Variants in MRM3 observed in about 807,000 individuals in gnomAD.
MRM3 encodes mitochondrial rRNA methyltransferase 3.
MRM3 carries 26 observed loss-of-function variants against 29.4 expected under a neutral mutation model. The ratio of observed to expected loss-of-function variants is 0.89; its 90% CI spans 0.65 to 1.23. The LOEUF (loss-of-function observed/expected upper bound fraction) is 1.23, where lower values mean the gene tolerates loss of function less well. Ranked by LOEUF, MRM3 falls within the 50% of genes most tolerant of loss-of-function variation. MRM3 has a pLI of 0.00. For missense variants in MRM3, 578 were observed against 540.2 expected (o/e 1.07, Z -0.69); for synonymous variants, 225 against 219.0 (o/e 1.03, Z -0.24).
At chr17:789,890 G>A (rs1212603851) in intron 3 of MRM3, 3 of 152,252 alleles carry the variant, frequency 2.0e-5, no homozygotes, top group African/African-American at 7.2e-5. Flanking sequence ...GATGACGGGA[G>A]GAGTCTCGCC....
In MRM3 at chr17:791,560, G is replaced by A. The variant is rs1160509967; in HGVS notation, c.754G>A (p.Val252Met). 8.7e-6 allele frequency: 14 copies of A among 1,613,726 alleles called. No individual in the cohort carries two copies. The highest frequency in any genetic ancestry group is 1.2e-5 in the Non-Finnish European group (14 of 1,179,752). Residue 252 changes from valine (V) to methionine (M), a missense_variant, in exon 4 of 4, where the codon GTG (valine) becomes ATG (methionine). Physicochemically the swap from Val to Met is conservative, Grantham distance 21 (BLOSUM62 1). Coordinates refer to ENST00000304478, the MANE Select transcript of MRM3 (RefSeq NM_018146.4). ...CTGTGTGGATGCCTGGGAGCCCAAA[G>A]TGCTCCGGGCGGGTATGGGCGCACA... ...KGCVDAWEPK[V>M]LRAGMGAHFR...
rs777318671 is a variant in MRM3, at chr17:782,354, T to G, written c.-25T>G. On this transcript the variant is annotated 5_prime_UTR_variant, in exon 1 of 4. Coordinates refer to ENST00000304478, the MANE Select transcript of MRM3 (RefSeq NM_018146.4). ...ACTAGCCGCCGACGGCGCGCTTTCG[T>G]GACGCAGCCCGGGTCTCAGGGAACA... 16 of 1,613,034 alleles carry G rather than the reference T, an allele frequency of 9.9e-6. No individual in the cohort carries two copies. In the East Asian group the frequency reaches 3.6e-4, roughly 36 times the overall value.
In MRM3 at chr17:791,680, C is replaced by T. The variant is rs936990260; in HGVS notation, c.874C>T (p.Leu292Phe). ...TRVYVADNCGLYAQAEMSNKA... is the reference protein window; with the variant it reads ...TRVYVADNCGFYAQAEMSNKA... Reference sequence around the variant, plus strand: ...GGTCTATGTGGCTGACAACTGTGGCCTTTATGCCCAGGCTGAGATGTCTAA... The same window carrying T: ...GGTCTATGTGGCTGACAACTGTGGCTTTTATGCCCAGGCTGAGATGTCTAA... Residue 292 changes from leucine to phenylalanine, a missense_variant, in exon 4 of 4, where the codon CTT becomes TTT. Physicochemically the swap from Leu to Phe is conservative, Grantham distance 22. Transcript: ENST00000304478. 1 of 1,614,198 alleles carries T rather than the reference C, an allele frequency of 6.2e-7. No homozygotes were observed. The highest frequency in any genetic ancestry group is 8.5e-7 in the Non-Finnish European group (1 of 1,180,048).
At chr17:786,849 C>T (rs1801714193) in intron 2 of MRM3, among the ~76,000 whole-genome samples, 3 of 152,170 alleles carry the variant, frequency 2.0e-5, no homozygotes, top group African/African-American at 4.8e-5. Context: ...ACAGACAGTC[C>T]TACAGGGATA....
At position 791,656 on chromosome 17, in the gene MRM3, G is replaced by A. The variant is rs917922851; in HGVS notation, c.850G>A (p.Val284Ile). 3 of 1,614,098 alleles carry A rather than the reference G, an allele frequency of 1.9e-6. No individual in the cohort carries two copies. Among genetic ancestry groups the A allele is most frequent in the Non-Finnish European group, 2.5e-6 (3 of 1,180,040 alleles). The change falls in exon 4 of 4, where the codon GTC becomes ATC. Residue 284 changes from valine to isoleucine, a missense_variant. Transcript: ENST00000304478. ...VPNYLPPDTR[V>I]YVADNCGLYA... Reference sequence around the variant, plus strand: ...CAATTACCTGCCCCCTGACACTCGGGTCTATGTGGCTGACAACTGTGGCCT... The same window carrying A: ...CAATTACCTGCCCCCTGACACTCGGATCTATGTGGCTGACAACTGTGGCCT...
In MRM3 at chr17:787,959, C is replaced by G; in HGVS notation, c.560-6C>G. The G allele has an allele frequency of 1.2e-6, 2 of 1,613,158 alleles. No individual in the cohort carries two copies. The highest frequency in any genetic ancestry group is 2.2e-5 in the South Asian group (2 of 91,018). On this transcript the variant is annotated splice_region_variant and splice_polypyrimidine_tract_variant and intron_variant, in intron 2 of 3. Transcript: ENST00000304478. The surrounding 1 kb of genome is among the most constrained non-coding windows in gnomAD (Gnocchi z 4.1). ...GGCAAGTAAACCACCTGTTTTGTTTCCTCAGGGATTTTTGCCAAGCCTGAC... is the reference window on the plus strand; with the variant it reads ...GGCAAGTAAACCACCTGTTTTGTTTGCTCAGGGATTTTTGCCAAGCCTGAC...
At chr17:786,126 A>G (rs1438309702) in intron 2 of MRM3, among the ~76,000 whole-genome samples, 1 of 152,142 alleles carries the variant, frequency 6.6e-6, no homozygotes, top group Non-Finnish European at 1.5e-5. Context: ...TGTTTTTGAG[A>G]TAGTGTCTCT....
intron 2 of MRM3, among the ~76,000 whole-genome samples, chr17:785,700 C>T (rs1162306099): frequency 2.6e-5 from 4 of 151,670 alleles, no homozygotes; most frequent in Non-Finnish European, 5.9e-5. Flanking sequence ...TCTGAGCCAG[C>T]GTATTTGAAA....
chr17:783,679 C>T (rs1448463675), intron 2 of MRM3, among the ~76,000 whole-genome samples: 1 of 152,178 alleles, frequency 6.6e-6, no homozygotes, highest in African/African-American at 2.4e-5. Context: ...GGATTAATTT[C>T]TCATACTTGT....
chr17:788,761 T>A (rs1910658792), intron 3 of MRM3, among the ~76,000 whole-genome samples: 1 of 152,024 alleles, frequency 6.6e-6, no homozygotes, highest in South Asian at 2.1e-4. Flanking sequence ...CGACCATTGT[T>A]AGGTGAGCTA....
At chr17:785,261 A>T (rs539223854) in intron 2 of MRM3, among the ~76,000 whole-genome samples, 1 of 152,334 alleles carries the variant, frequency 6.6e-6, no homozygotes, top group South Asian at 2.1e-4. Flanking sequence ...ACCCATGTGA[A>T]TAACTTCATC....
intron 3 of MRM3, among the ~76,000 whole-genome samples, chr17:789,564 G>C (rs1308711437): frequency 6.6e-6 from 1 of 152,142 alleles, no homozygotes; most frequent in Non-Finnish European, 1.5e-5. Flanking sequence ...AAACACCCCA[G>C]CCACCATTAA....
intron 2 of MRM3, among the ~76,000 whole-genome samples, chr17:786,253 A>G (rs996780353): frequency 6.6e-6 from 1 of 152,150 alleles, no homozygotes; most frequent in Non-Finnish European, 1.5e-5. Flanking sequence ...GGCATGCGCC[A>G]CCATGCCTGG....
Position 787,192 on chromosome 17 carries a change from G to C in MRM3, c.560-773G>C, listed in dbSNP as rs555931882. ...ACCCGGGAGGCAGAGGTTGCAGTGAGCCAGCATTACACCATTGTACTCCAG... is the reference window on the plus strand; with the variant it reads ...ACCCGGGAGGCAGAGGTTGCAGTGACCCAGCATTACACCATTGTACTCCAG... On this transcript the variant is annotated intron_variant, in intron 2 of 3. Transcript: ENST00000304478. This position sits in a 1 kb window ranked among gnomAD's most constrained non-coding sequence, Gnocchi z 4.1. Among the ~76,000 whole-genome samples, 69 of 152,240 alleles carry C rather than the reference G, an allele frequency of 4.5e-4. No homozygotes were observed. The highest frequency in any genetic ancestry group is 1.6e-3 in the African/African-American group (65 of 41,532).
chr17:788,347 GCTTGAGC>G (rs1449906544), intron 3 of MRM3: 1 of 527,572 alleles, frequency 1.9e-6, no homozygotes, highest in African/African-American at 1.9e-5. Flanking sequence ...TGGGAGGATT[GCTTGAGC>G]CTGGGATGTC....
intron 2 of MRM3, among the ~76,000 whole-genome samples, chr17:786,257 T>C (rs1405684868): frequency 6.6e-6 from 1 of 151,890 alleles, no homozygotes; most frequent in African/African-American, 2.4e-5. Flanking sequence ...TGCGCCACCA[T>C]GCCTGGCTAA....
chr17:788,793 G>A (rs1474906763), intron 3 of MRM3, among the ~76,000 whole-genome samples: 12 of 151,984 alleles, frequency 7.9e-5, no homozygotes, highest in African/African-American at 2.2e-4. Context: ...AGGCAGACAC[G>A]GCTTTGGATG....
intron 2 of MRM3, 59 bp downstream of exon 2, chr17:783,386 G>A: frequency 6.6e-7 from 1 of 1,504,884 alleles, no homozygotes; most frequent in Non-Finnish European, 8.9e-7. Context: ...ACCCAGGCTG[G>A]AGTGCAATGG....
chr17:782,577 G>T lies in MRM3; in HGVS notation c.199G>T (p.Ala67Ser). Residue 67 changes from alanine (A) to serine (S), a missense_variant, in exon 1 of 4, where the codon GCC becomes TCC. Ala to Ser is a moderately conservative substitution (Grantham distance 99, BLOSUM62 1). Coordinates refer to ENST00000304478, the MANE Select transcript of MRM3 (RefSeq NM_018146.4). ...CCGCAAGGCACCATCTGAGGCCAGT[G>T]CCCAGGAGCAACGAGAGAAACAACC... ...QPRKAPSEAS[A>S]QEQREKQPLE... 1 of 1,614,116 alleles carries T rather than the reference G, an allele frequency of 6.2e-7. No homozygotes were observed. The highest frequency in any genetic ancestry group is 1.6e-4 in the Middle Eastern group (1 of 6,062).
Sources: gnomAD v4.1 joint callset for allele counts (sites outside exome capture counted in the v4.1 genomes callset) on GRCh38, gnomAD v4.1.1 for gene constraint, Gnocchi (gnomAD v3.1) non-coding constraint, MANE v1.5 for transcripts, NCBI Gene and HGNC (gene_info 2026-07-23, HGNC 2026-07-21) for gene names.